DMD: variants seen among roughly 807,000 people sequenced by gnomAD.
DMD encodes the protein mutant dystrophin.
Under a neutral mutation model 330.1 loss-of-function variants are expected in DMD, and 63 were observed. The observed-to-expected ratio is 0.19, with a 90% CI of 0.16 to 0.24. The LOEUF is 0.24. Ranked by LOEUF, DMD falls within the 10% of genes least tolerant of loss-of-function variation. The probability of loss-of-function intolerance (pLI) is 1.00; values close to 1 mark genes in which losing one functional copy is unlikely to be tolerated. For synonymous variants in DMD, 1,223 were observed against 959.8 expected, an observed-to-expected ratio of 1.27 and a Z score of -5.07; for missense variants, 3,344 against 2,684.1, an observed-to-expected ratio of 1.25 and a Z score of -5.43.
At chrX:32,686,874 A>G (rs936465392) in intron 9 of DMD, among the ~76,000 whole-genome samples, 2 of 111,082 alleles carry the variant, frequency 1.8e-5, no homozygotes, top group Non-Finnish European at 3.8e-5. Context: ...TATAATCCTT[A>G]AGAAGACATC....
At chrX:32,286,007 T>A (rs1361981223) in intron 43 of DMD, among the ~76,000 whole-genome samples, 1 of 111,129 alleles carries the variant, frequency 9.0e-6, no homozygotes, top group East Asian at 2.8e-4. Context: ...CCCTGGAAGG[T>A]GCAGTGAGAT....
chrX:32,315,515 A>T (rs890178723), intron 41 of DMD, among the ~76,000 whole-genome samples: 6 of 93,780 alleles, frequency 6.4e-5, no homozygotes, highest in South Asian at 4.1e-4. Context: ...AAGTATAATT[A>T]AAAAAAAAAA....
At chrX:31,939,290 A>T (rs142864314) in intron 45 of DMD, among the ~76,000 whole-genome samples, 4,666 of 111,582 alleles carry the variant, frequency 0.042, 90 homozygotes, top group Non-Finnish European at 0.066. Context: ...GTACAAGTAG[A>T]CATTTGTTCA....
intron 34 of DMD, among the ~76,000 whole-genome samples, chrX:32,371,124 G>C (rs767598967): frequency 9.0e-6 from 1 of 111,398 alleles, no homozygotes; most frequent in Admixed American, 9.6e-5. Flanking sequence ...AGTTTTTATT[G>C]AGTGATAGTC....
chrX:32,303,717 T>A (rs993031265), intron 42 of DMD, among the ~76,000 whole-genome samples: 2 of 110,166 alleles, frequency 1.8e-5, no homozygotes, highest in African/African-American at 6.6e-5. Context: ...AGATCTATCT[T>A]AAAATGGAAA....
intron 16 of DMD, among the ~76,000 whole-genome samples, chrX:32,553,528 A>C (rs1247262564): frequency 9.0e-6 from 1 of 111,166 alleles, no homozygotes; most frequent in Non-Finnish European, 1.9e-5. Context: ...ATTTATCTAT[A>C]TGACAAACCA....
At chrX:31,707,433 A>G (rs960177443) in intron 52 of DMD, among the ~76,000 whole-genome samples, 1 of 110,787 alleles carries the variant, frequency 9.0e-6, no homozygotes, top group Non-Finnish European at 1.9e-5. Flanking sequence ...ACACATGGAC[A>G]TAAATACGGG....
At chrX:32,065,141 A>T (rs2096251586) in intron 44 of DMD, among the ~76,000 whole-genome samples, 1 of 111,497 alleles carries the variant, frequency 9.0e-6, no homozygotes, top group Admixed American at 9.6e-5. Flanking sequence ...TTTTCATTAA[A>T]ATTTAAATTT....
intron 1 of DMD, among the ~76,000 whole-genome samples, chrX:33,150,378 T>G (rs1167210851): frequency 2.0e-5 from 2 of 102,429 alleles, no homozygotes; most frequent in Non-Finnish European, 3.9e-5. Context: ...CACTGCAACC[T>G]CTGCCTTCAG....
intron 37 of DMD, among the ~76,000 whole-genome samples, chrX:32,356,721 A>G (rs2097802296): frequency 9.0e-6 from 1 of 111,581 alleles, no homozygotes; most frequent in African/African-American, 3.3e-5. Flanking sequence ...CTCTAGAAAA[A>G]TACAATCTAA....
At chrX:32,585,741 G>A (rs1421777563) in intron 13 of DMD, among the ~76,000 whole-genome samples, 9 of 73,496 alleles carry the variant, frequency 1.2e-4, no homozygotes, top group Admixed American at 1.8e-4. Flanking sequence ...GAATATTATT[G>A]TTCCAGCATA....
rs959687969 is a variant in DMD at position 31,348,578 on chromosome X, T to C, written c.9141A>G (p.Pro3047=). The C allele has an allele frequency of 2.5e-6, 3 of 1,209,812 alleles. No individual in the cohort carries two copies. The highest frequency in any genetic ancestry group is 3.5e-5 in the African/African-American group (2 of 57,326). ...TACTGGAAAGAAAGTGCTGAGATGC[T>C]GGACCAAAGTCCCTGTGGGCTTCAT... ...QLHEAHRDFG[P]ASQHFLSTSV... is the part of the protein sequence containing the mutation. The change falls in exon 61 of 79, where the codon CCA becomes CCG. Residue 3047 remains proline (P), a synonymous_variant. Coordinates refer to ENST00000357033, the MANE Select transcript of DMD (RefSeq NM_004006.3).
intron 44 of DMD, among the ~76,000 whole-genome samples, chrX:32,080,570 TA>T (rs1435593191): frequency 8.9e-6 from 1 of 112,120 alleles, no homozygotes; most frequent in Non-Finnish European, 1.9e-5. Context: ...TTTTAAAACT[TA>T]ACCTAAAATG....
intron 9 of DMD, among the ~76,000 whole-genome samples, chrX:32,669,366 G>T (rs2061496521): frequency 9.0e-6 from 1 of 111,424 alleles, no homozygotes; most frequent in Admixed American, 9.6e-5. Context: ...CTTCTTTAAA[G>T]TCTTTTTAAA....
At chrX:32,583,178 T>C (rs1241040256) in intron 13 of DMD, among the ~76,000 whole-genome samples, 1 of 112,200 alleles carries the variant, frequency 8.9e-6, no homozygotes, top group African/African-American at 3.3e-5. Context: ...CCTGTTTGTC[T>C]GGTGCATTTT....
Position 32,460,039 on chromosome X carries a change from T to G in DMD, c.3432+3400A>C, listed in dbSNP as rs1603634010. 4.5e-5 allele frequency among the ~76,000 whole-genome samples: 5 copies of G among 110,589 alleles called. No individual in the cohort carries two copies. In the South Asian group the frequency reaches 1.9e-3, roughly 42 times the overall value. On this transcript the variant is annotated intron_variant, in intron 25 of 78. Coordinates refer to ENST00000357033, the MANE Select transcript of DMD (RefSeq NM_004006.3). ...TATAAAACATCATATCATATGTGGATGTGATGGGATTCAAAAATGGGCAAA... is the reference window on the plus strand; with the variant it reads ...TATAAAACATCATATCATATGTGGAGGTGATGGGATTCAAAAATGGGCAAA...
chrX:31,715,436 G>A (rs2084968668), intron 52 of DMD, among the ~76,000 whole-genome samples: 1 of 104,049 alleles, frequency 9.6e-6, no homozygotes, highest in Non-Finnish European at 2.0e-5. Flanking sequence ...CCAGCTACAC[G>A]GGAGGCTGAG....
intron 11 of DMD, among the ~76,000 whole-genome samples, chrX:32,621,984 C>G (rs1003322236): frequency 2.7e-5 from 3 of 111,583 alleles, no homozygotes; most frequent in Non-Finnish European, 5.6e-5. Context: ...CTGATGCATA[C>G]TCACACTTGA....
chrX:33,070,307 C>A (rs200946754), intron 1 of DMD, among the ~76,000 whole-genome samples: 1 of 110,901 alleles, frequency 9.0e-6, no homozygotes, highest in Admixed American at 9.7e-5. Flanking sequence ...TCAACTTGTA[C>A]GTATTAATAG....
Sources: allele counts gnomAD v4.1 joint callset (sites outside exome capture counted in the v4.1 genomes callset), GRCh38; gene constraint gnomAD v4.1.1; transcripts MANE v1.5; gene names NCBI Gene and HGNC (gene_info 2026-07-23, HGNC 2026-07-21).